ANK3: variants seen among roughly 807,000 people sequenced by gnomAD.
The protein encoded by ANK3 is ankyrin-3.
In ANK3, 57 loss-of-function variants were observed where a neutral mutation model predicts 370.9. The observed-to-expected ratio is 0.15, with a 90% CI of 0.12 to 0.19. The LOEUF is 0.19. Among genes scored for constraint, ANK3 ranks in the 10% least tolerant of loss-of-function variants. The pLI, the probability that ANK3 is intolerant of heterozygous loss-of-function variation, is 1.00. For synonymous variants in ANK3, 1,929 were observed against 1,946.3 expected (o/e 0.99, Z 0.23); for missense variants, 4,439 against 5,302.1 (o/e 0.84, Z 5.06).
chr10:60,375,638 C>T (rs564877797), intron 1 of ANK3, among the ~76,000 whole-genome samples: 4 of 152,166 alleles, frequency 2.6e-5, no homozygotes, highest in African/African-American at 7.2e-5. Flanking sequence ...CACCACACTT[C>T]GCTAGAACCC....
At chr10:60,303,902 G>A (rs1472741338) in intron 1 of ANK3, among the ~76,000 whole-genome samples, 1 of 151,560 alleles carries the variant, frequency 6.6e-6, no homozygotes, top group East Asian at 1.9e-4. Flanking sequence ...GTGTGTGTGT[G>A]TGTGTGTATA....
chr10:60,436,403 T>A (rs1385297683), intron 2 of ANK3, among the ~76,000 whole-genome samples: 1 of 152,234 alleles, frequency 6.6e-6, no homozygotes, highest in Non-Finnish European at 1.5e-5. Context: ...TTTTCCAAAG[T>A]GGCTGCACTA....
At chr10:60,399,117 C>T (rs945747018) in intron 2 of ANK3, among the ~76,000 whole-genome samples, 2 of 151,964 alleles carry the variant, frequency 1.3e-5, no homozygotes, top group Non-Finnish European at 2.9e-5. Context: ...AGAGAAAATG[C>T]ATAATCTTTT....
At chr10:60,573,536 C>T (rs2077643023) in intron 2 of ANK3, among the ~76,000 whole-genome samples, 1 of 152,264 alleles carries the variant, frequency 6.6e-6, no homozygotes, top group African/African-American at 2.4e-5. Context: ...ACACACTGTG[C>T]CCACACTCCC....
intron 2 of ANK3, among the ~76,000 whole-genome samples, chr10:60,532,602 T>C (rs2076631720): frequency 6.6e-6 from 1 of 152,040 alleles, no homozygotes; most frequent in African/African-American, 2.4e-5. Context: ...CAGATTGCGC[T>C]CTCCCAACTG....
At chr10:60,109,982 A>C (rs1187635547) in intron 26 of ANK3, among the ~76,000 whole-genome samples, 1 of 152,218 alleles carries the variant, frequency 6.6e-6, no homozygotes, top group Non-Finnish European at 1.5e-5. Context: ...TGGAAGAGTT[A>C]AGGTCAGACA....
intron 23 of ANK3, among the ~76,000 whole-genome samples, chr10:60,143,239 A>T (rs114472908): frequency 0.011 from 1,724 of 152,302 alleles, 40 homozygotes; most frequent in African/African-American, 0.039. Context: ...TGAATGAATG[A>T]ACAATAACAA....
In ANK3 at chr10:60,072,482, A is replaced by G; in HGVS notation, c.8399T>C (p.Val2800Ala). ...ATTATCAGAGCCAGAATCATTTACA[A>G]CAATTTCGTTGCTTTGGGCATGCTC... The part of the protein sequence containing the change: ...KDEHAQSNEI[V>A]VNDSGSDNVK... The change falls in exon 37 of 44, where the codon GTT becomes GCT. Residue 2800 changes from valine (V) to alanine (A), a missense_variant. By Grantham distance (64) the Val-to-Ala change is moderately conservative (BLOSUM62 0). Transcript: ENST00000280772. 1 of 1,614,038 alleles carries G rather than the reference A, an allele frequency of 6.2e-7. No homozygotes were observed. The highest frequency in any genetic ancestry group is 8.5e-7 in the Non-Finnish European group (1 of 1,180,000).
rs538644648 is a variant in ANK3, at chr10:60,236,932, T to C, written c.799-2146A>G. Among the ~76,000 whole-genome samples, 373 of 152,310 alleles carry C rather than the reference T, an allele frequency of 2.4e-3. 2 individuals carry two copies. The highest frequency in any genetic ancestry group is 4.0e-3 in the Non-Finnish European group (271 of 68,016). ...CAAAGGCAGCCATAGGCACATGCAATATGTAAAGAAATGGGAGCGGTTGTG... is the reference window on the plus strand; with the variant it reads ...CAAAGGCAGCCATAGGCACATGCAACATGTAAAGAAATGGGAGCGGTTGTG... On this transcript the variant is annotated intron_variant, in intron 7 of 43. Coordinates refer to ENST00000280772, the MANE Select transcript of ANK3 (RefSeq NM_020987.5).
chr10:60,081,987 G>A, intron 35 of ANK3, 163 bp downstream of exon 35: 1 of 469,546 alleles, frequency 2.1e-6, no homozygotes, highest in African/African-American at 2.0e-5. Flanking sequence ...ACGTGTGGAA[G>A]AAGAGTGAAC....
chr10:60,064,048 A>T, intron 39 of ANK3, 109 bp downstream of exon 39: 1 of 1,067,962 alleles, frequency 9.4e-7, no homozygotes. Flanking sequence ...TTTCTATATT[A>T]AAGATTACAG....
At chr10:60,616,881 T>C (rs1019927397) in intron 1 of ANK3, among the ~76,000 whole-genome samples, 2 of 152,188 alleles carry the variant, frequency 1.3e-5, no homozygotes, top group Admixed American at 1.3e-4. Flanking sequence ...AAAATGCTTT[T>C]TTATTTCATA....
At chr10:60,395,686 A>G (rs766350197) in intron 2 of ANK3, among the ~76,000 whole-genome samples, 13 of 149,802 alleles carry the variant, frequency 8.7e-5, no homozygotes, top group Non-Finnish European at 1.6e-4. Flanking sequence ...AGGCATGAAG[A>G]TATGTCCTCA....
At chr10:60,295,868 A>C (rs953203167) in intron 1 of ANK3, among the ~76,000 whole-genome samples, 15 of 152,304 alleles carry the variant, frequency 9.8e-5, no homozygotes, top group African/African-American at 3.6e-4. Context: ...ACAAATAAAA[A>C]AGATGAGATG....
intron 1 of ANK3, among the ~76,000 whole-genome samples, chr10:60,283,905 C>T (rs186962194): frequency 9.9e-5 from 15 of 151,910 alleles, no homozygotes; most frequent in Non-Finnish European, 1.8e-4. Flanking sequence ...TTTTATAAGT[C>T]CTTATATTAA....
intron 16 of ANK3, among the ~76,000 whole-genome samples, chr10:60,190,785 T>A (rs1372964390): frequency 6.6e-6 from 1 of 152,196 alleles, no homozygotes; most frequent in East Asian, 1.9e-4. Context: ...AAAGCAATCC[T>A]AAGCAAAAAG....
chr10:60,513,157 T>C (rs1397818410), intron 2 of ANK3, among the ~76,000 whole-genome samples: 1 of 152,120 alleles, frequency 6.6e-6, no homozygotes, highest in African/African-American at 2.4e-5. Flanking sequence ...GGAGAGGAAT[T>C]CATTCATCTT....
At chr10:60,728,896 T>C (rs999129801) in intron 1 of ANK3, among the ~76,000 whole-genome samples, 2 of 152,222 alleles carry the variant, frequency 1.3e-5, no homozygotes, top group Admixed American at 1.3e-4. Context: ...CTCTAGTTTA[T>C]TGTGAAGTAC....
intron 21 of ANK3, 148 bp from the exon 22 acceptor site, chr10:60,167,044 T>C (rs2095643610): frequency 2.9e-6 from 2 of 696,534 alleles, no homozygotes; most frequent in African/African-American, 3.6e-5. Flanking sequence ...TCAAAATTGT[T>C]GTCCCTTAGT....
Sources: allele counts gnomAD v4.1 joint callset (sites outside exome capture counted in the v4.1 genomes callset), GRCh38; gene constraint gnomAD v4.1.1; transcripts MANE v1.5; gene names NCBI Gene and HGNC (gene_info 2026-07-23, HGNC 2026-07-21).